The following PKIB variants were observed in gnomAD, a reference collection of about 807,000 sequenced individuals.
The protein encoded by PKIB is PKI-beta.
A neutral mutation model predicts 4.5 loss-of-function variants in PKIB; 2 were observed. The ratio of observed to expected loss-of-function variants is 0.44; its 90% CI spans 0.18 to 1.39. PKIB has a LOEUF of 1.39. PKIB is among the 40% of genes most tolerant of loss of function. The pLI is 0.27. For missense variants in PKIB, 94 were observed against 92.6 expected (o/e 1.02, Z -0.06); for synonymous variants, 38 against 36.0 (o/e 1.06, Z -0.20).
At chr6:122,539,827 C>G (rs371605964) in intron 2 of PKIB, among the ~76,000 whole-genome samples, 9 of 151,662 alleles carry the variant, frequency 5.9e-5, no homozygotes, top group African/African-American at 1.5e-4. Context: ...TTTTTTGGTT[C>G]GTAAGCTATT....
chr6:122,609,745 T>C (rs935198095), upstream of PKIB, among the ~76,000 whole-genome samples: 7 of 152,220 alleles, frequency 4.6e-5, no homozygotes, highest in African/African-American at 1.7e-4. Flanking sequence ...AAAAGCACAG[T>C]GAGACCTTAG....
upstream of PKIB, among the ~76,000 whole-genome samples, chr6:122,609,033 A>G (rs893435488): frequency 4.8e-5 from 7 of 144,414 alleles, no homozygotes; most frequent in African/African-American, 1.7e-4. Context: ...TTAAAGTTAC[A>G]CTAATGATAT....
At chr6:122,642,573 C>G (rs1213554335) in intron 2 of PKIB, among the ~76,000 whole-genome samples, 1 of 152,216 alleles carries the variant, frequency 6.6e-6, no homozygotes, top group Middle Eastern at 3.4e-3. Context: ...CCTCTTCTCA[C>G]TCTATCCCAT....
At chr6:122,630,416 T>G (rs926954570) in intron 1 of PKIB, among the ~76,000 whole-genome samples, 4 of 152,184 alleles carry the variant, frequency 2.6e-5, no homozygotes, top group Middle Eastern at 3.2e-3. Context: ...GAGAACATTA[T>G]GCTAAGTGAA....
At chr6:122,702,900 A>G (rs1002025905) in intron 3 of PKIB, among the ~76,000 whole-genome samples, 8 of 152,178 alleles carry the variant, frequency 5.3e-5, no homozygotes, top group Non-Finnish European at 2.9e-5. Flanking sequence ...ATGTTAAAAT[A>G]GTTAATATTT....
At chr6:122,482,670 C>T (rs1355651295) in intron 2 of PKIB, 1 of 149,948 alleles carries the variant, frequency 6.7e-6, no homozygotes, top group African/African-American at 2.5e-5. Flanking sequence ...CCTGCCTCAT[C>T]CTCCTGAGTA....
chr6:122,720,569 G>A (rs969374060), intron 4 of PKIB, among the ~76,000 whole-genome samples: 4 of 151,910 alleles, frequency 2.6e-5, no homozygotes, highest in Admixed American at 2.0e-4. Flanking sequence ...TTTAAGAGTT[G>A]GAGGAGTGAA....
chr6:122,513,840 A>G (rs1035403558), intron 2 of PKIB, among the ~76,000 whole-genome samples: 4 of 152,202 alleles, frequency 2.6e-5, no homozygotes, highest in African/African-American at 4.8e-5. Flanking sequence ...ATAGTATTGC[A>G]TAGTGTATAT....
chr6:122,599,773 G>A (rs990736322), intron 3 of PKIB, among the ~76,000 whole-genome samples: 11 of 152,178 alleles, frequency 7.2e-5, no homozygotes, highest in East Asian at 1.9e-4. Flanking sequence ...AACAGTTGCC[G>A]CTAAGCACTA....
intron 1 of PKIB, among the ~76,000 whole-genome samples, chr6:122,629,382 A>T (rs1213587715): frequency 6.6e-6 from 1 of 152,220 alleles, no homozygotes; most frequent in South Asian, 2.1e-4. Context: ...CCAAAGTATA[A>T]AATATAATAT....
At chr6:122,697,227 T>C (rs1403361726) in intron 3 of PKIB, among the ~76,000 whole-genome samples, 1 of 152,066 alleles carries the variant, frequency 6.6e-6, no homozygotes, top group Non-Finnish European at 1.5e-5. Flanking sequence ...AAATAGAAAC[T>C]GTGCCTGGTC....
intron 1 of PKIB, among the ~76,000 whole-genome samples, chr6:122,472,194 G>T (rs898904017): frequency 3.9e-5 from 6 of 152,128 alleles, no homozygotes; most frequent in Middle Eastern, 3.2e-3. Context: ...GTCTTTGTCC[G>T]TCCTAACTCC....
At chr6:122,481,519 CAT>C (rs1489272266) in intron 2 of PKIB, 23 of 152,256 alleles carry the variant, frequency 1.5e-4, no homozygotes, top group African/African-American at 4.8e-4. Flanking sequence ...AAAGCAGTAT[CAT>C]ATCAAAACTG....
At chr6:122,538,084 T>A (rs1247730431) in intron 2 of PKIB, among the ~76,000 whole-genome samples, 7 of 152,142 alleles carry the variant, frequency 4.6e-5, no homozygotes, top group African/African-American at 2.4e-5. Flanking sequence ...ATTAGCCCTT[T>A]GTCAGATGAG....
chr6:122,681,305 T>C (rs1165609714), intron 3 of PKIB, among the ~76,000 whole-genome samples: 11 of 152,204 alleles, frequency 7.2e-5, no homozygotes, highest in Admixed American at 6.5e-4. Flanking sequence ...TCAACAGATA[T>C]TTTTCAAATG....
At chr6:122,648,631 G>T (rs1776419644) in intron 2 of PKIB, among the ~76,000 whole-genome samples, 1 of 152,186 alleles carries the variant, frequency 6.6e-6, no homozygotes. Context: ...AAGCATGGAT[G>T]AATTATTCTG....
At chr6:122,683,752 C>G (rs1777991248) in intron 3 of PKIB, among the ~76,000 whole-genome samples, 1 of 152,142 alleles carries the variant, frequency 6.6e-6, no homozygotes, top group South Asian at 2.1e-4. Context: ...GACTTCTAAG[C>G]AAGACTCAAG....
At chr6:122,613,722 T>C (rs1774860578) in intron 1 of PKIB, among the ~76,000 whole-genome samples, 1 of 151,988 alleles carries the variant, frequency 6.6e-6, no homozygotes, top group Non-Finnish European at 1.5e-5. Flanking sequence ...TCCCAGCACT[T>C]TGGGAGGCTG....
At chr6:122,484,962 C>T (rs544075830) in intron 2 of PKIB, among the ~76,000 whole-genome samples, 12 of 152,266 alleles carry the variant, frequency 7.9e-5, no homozygotes, top group Admixed American at 2.6e-4. Flanking sequence ...TACACTGCCT[C>T]GTGTTCAAAC....
Sources: allele counts gnomAD v4.1 joint callset (sites outside exome capture counted in the v4.1 genomes callset), GRCh38; gene constraint gnomAD v4.1.1; transcripts MANE v1.5; gene names NCBI Gene and HGNC (gene_info 2026-07-23, HGNC 2026-07-21).